The following DLGAP2 variants were observed in gnomAD, a reference collection of about 807,000 sequenced individuals.
DLGAP2 encodes the protein DLG associated protein 2, also known as disks large-associated protein 2.
In DLGAP2, 26 loss-of-function variants were observed where a neutral mutation model predicts 100.3. The ratio of observed to expected loss-of-function variants is 0.26; its 90% CI spans 0.19 to 0.36. The LOEUF (loss-of-function observed/expected upper bound fraction) is 0.36. Ranked by LOEUF, DLGAP2 falls within the 10% of genes least tolerant of loss-of-function variation. DLGAP2 has a pLI of 1.00. For synonymous variants in DLGAP2, 886 were observed against 630.1 expected (o/e 1.41, Z -6.08); for missense variants, 1,858 against 1,453.2 (o/e 1.28, Z -4.53).
At chr8:1,602,916 C>T (rs576345634) in intron 6 of DLGAP2, among the ~76,000 whole-genome samples, 3 of 152,202 alleles carry the variant, frequency 2.0e-5, no homozygotes, top group South Asian at 2.1e-4. Flanking sequence ...TCGAGTGCCG[C>T]GAGGGAAAAT....
At chr8:1,148,918 C>G (rs1035684227) in intron 2 of DLGAP2, among the ~76,000 whole-genome samples, 3 of 152,106 alleles carry the variant, frequency 2.0e-5, no homozygotes, top group Non-Finnish European at 4.4e-5. Flanking sequence ...TCAGTGGTCT[C>G]TATGTATCAA....
intron 2 of DLGAP2, among the ~76,000 whole-genome samples, chr8:1,236,058 C>T (rs1216678747): frequency 1.3e-5 from 1 of 76,018 alleles, no homozygotes; most frequent in Non-Finnish European, 2.4e-5. Flanking sequence ...TCACATGGCA[C>T]CGTGTCTAGT....
chr8:1,183,514 C>A (rs1797434872), intron 2 of DLGAP2, among the ~76,000 whole-genome samples: 2 of 152,154 alleles, frequency 1.3e-5, no homozygotes, highest in Admixed American at 1.3e-4. Context: ...CTGGAAATAT[C>A]CTTACTGATT....
chr8:1,051,573 A>T (rs1802713592), intron 2 of DLGAP2, among the ~76,000 whole-genome samples: 2 of 152,236 alleles, frequency 1.3e-5, no homozygotes, highest in African/African-American at 2.4e-5. Flanking sequence ...CACATGCACA[A>T]ATAGAAATAG....
chr8:1,203,861 G>C (rs917381176), intron 2 of DLGAP2, among the ~76,000 whole-genome samples: 3 of 152,166 alleles, frequency 2.0e-5, no homozygotes, highest in Admixed American at 2.0e-4. Flanking sequence ...AGGCAGGCTC[G>C]TTCTCATTTA....
chr8:761,186 C>A (rs1375286430), intron 1 of DLGAP2, among the ~76,000 whole-genome samples: 1 of 152,156 alleles, frequency 6.6e-6, no homozygotes, highest in Non-Finnish European at 1.5e-5. Context: ...TCTCTGCTCC[C>A]CCCCACTTTA....
intron 3 of DLGAP2, among the ~76,000 whole-genome samples, chr8:1,264,276 C>A (rs1430651014): frequency 6.6e-6 from 1 of 152,072 alleles, no homozygotes; most frequent in East Asian, 1.9e-4. Flanking sequence ...CAGAAAGGGG[C>A]CTGGGATGGG....
chr8:1,306,705 A>G (rs1800499899), intron 3 of DLGAP2, among the ~76,000 whole-genome samples: 1 of 152,206 alleles, frequency 6.6e-6, no homozygotes, highest in African/African-American at 2.4e-5. Flanking sequence ...AGACATCTAG[A>G]CTAATGGAAC....
At chr8:742,551 C>T (rs570080495) in intron 1 of DLGAP2, among the ~76,000 whole-genome samples, 2 of 152,332 alleles carry the variant, frequency 1.3e-5, no homozygotes, top group South Asian at 4.1e-4. Flanking sequence ...CTCTGTCACC[C>T]AGGCGGGAGT....
At chr8:922,710 G>T (rs1798740780) in intron 2 of DLGAP2, among the ~76,000 whole-genome samples, 1 of 152,168 alleles carries the variant, frequency 6.6e-6, no homozygotes, top group African/African-American at 2.4e-5. Flanking sequence ...GTCAGATAAA[G>T]ACAGTGATTG....
intron 1 of DLGAP2, among the ~76,000 whole-genome samples, chr8:767,161 C>G (rs1049487249): frequency 2.0e-5 from 3 of 152,052 alleles, no homozygotes; most frequent in Non-Finnish European, 2.9e-5. Context: ...CTGCTGGGGC[C>G]ACATCCACGG....
chr8:948,408 G>C (rs1799386798), intron 2 of DLGAP2, among the ~76,000 whole-genome samples: 1 of 152,206 alleles, frequency 6.6e-6, no homozygotes, highest in Admixed American at 6.5e-5. Flanking sequence ...AGGAGTGGGC[G>C]AAGCGGGCGA....
chr8:976,848 C>T (rs1281660160), intron 2 of DLGAP2, among the ~76,000 whole-genome samples: 1 of 152,116 alleles, frequency 6.6e-6, no homozygotes, highest in East Asian at 1.9e-4. Context: ...TAGAAGATAG[C>T]ATAAAATACC....
At chr8:1,606,615 A>G (rs962653534) in intron 6 of DLGAP2, among the ~76,000 whole-genome samples, 2 of 152,200 alleles carry the variant, frequency 1.3e-5, no homozygotes, top group Non-Finnish European at 1.5e-5. Context: ...TTATTTACCC[A>G]TCCATCATGG....
chr8:1,371,355 G>C (rs1802232339), intron 3 of DLGAP2, among the ~76,000 whole-genome samples: 1 of 152,198 alleles, frequency 6.6e-6, no homozygotes, highest in Non-Finnish European at 1.5e-5. Flanking sequence ...GATGGCATTT[G>C]CGCCAGGGCA....
At chr8:1,590,911 A>C (rs892284201) in intron 6 of DLGAP2, among the ~76,000 whole-genome samples, 1 of 152,164 alleles carries the variant, frequency 6.6e-6, no homozygotes, top group Non-Finnish European at 1.5e-5. Context: ...TCCCTTAACC[A>C]TTCTTTAAGC....
At chr8:1,366,858 C>A (rs1802120009) in intron 3 of DLGAP2, among the ~76,000 whole-genome samples, 1 of 152,166 alleles carries the variant, frequency 6.6e-6, no homozygotes, top group African/African-American at 2.4e-5. Flanking sequence ...GCAAGAAATG[C>A]TAATAACAGT....
chr8:1,204,552 G>T (rs1299476504), intron 2 of DLGAP2, among the ~76,000 whole-genome samples: 1 of 148,940 alleles, frequency 6.7e-6, no homozygotes, highest in Non-Finnish European at 1.5e-5. Context: ...GTGTGTGTGT[G>T]TATATGTCTA....
rs145272807 is a variant in DLGAP2 at position 996,500 on chromosome 8, A to C, written c.73+88534A>C. 3.4e-3 allele frequency among the ~76,000 whole-genome samples: 524 copies of C among 152,296 alleles called. 5 individuals carry two copies. Among genetic ancestry groups the C allele is most frequent in the African/African-American group, 0.012 (495 of 41,560 alleles). On this transcript the variant is annotated intron_variant, in intron 2 of 14. Transcript: ENST00000637795. ...GTTAGGGTGGAGTGGCCGGAGGCTC[A>C]GGTTTGTGCCTGTCGATGGGATGTG...
Sources: allele counts gnomAD v4.1 joint callset (sites outside exome capture counted in the v4.1 genomes callset), GRCh38; gene constraint gnomAD v4.1.1; transcripts MANE v1.5; gene names NCBI Gene and HGNC (gene_info 2026-07-23, HGNC 2026-07-21).